The following TEF variants were observed in gnomAD, a reference collection of about 807,000 sequenced individuals.
The protein encoded by TEF is TEF transcription factor, PAR bZIP family member, also known as thyrotroph embryonic factor.
TEF carries 3 observed loss-of-function variants against 20.8 expected under a neutral mutation model. That is an observed-to-expected ratio of 0.14 (90% CI 0.07 to 0.37). The LOEUF is 0.37. TEF is among the 10% of genes least tolerant of loss of function. The pLI, the probability that TEF is intolerant of heterozygous loss-of-function variation, is 1.00. For synonymous variants in TEF, 180 were observed against 171.1 expected (o/e 1.05, Z -0.41); for missense variants, 296 against 397.9 (o/e 0.74, Z 2.18).
chr22:41,398,612 T>C lies in TEF; in HGVS notation c.*2652T>C, dbSNP rs2037258193. On this transcript the variant is annotated 3_prime_UTR_variant, in exon 4 of 4. Transcript: ENST00000266304. ...TTAGAGAGAGGGAGAGTTTTCAAGG[T>C]TTATGGCAACTTTGTGGAGGACCTG... 6.5e-6 allele frequency: 1 copy of C among 153,262 alleles called. No homozygotes were observed. The highest frequency in any genetic ancestry group is 2.1e-4 in the South Asian group (1 of 4,826). The allele number at this position is 153,262 out of a possible 1,614,324, so 9.5% of individuals were successfully genotyped here.
rs1294113603 is a variant in TEF, at chr22:41,397,156, G to C, written c.*1196G>C. On this transcript the variant is annotated 3_prime_UTR_variant, in exon 4 of 4. Coordinates refer to ENST00000266304, the MANE Select transcript of TEF (RefSeq NM_003216.4). ...CAAGGTCACAGTGCCACTTTCACGG[G>C]ATAGCAGGCTCTTGGGACTTTTACA... 7.5e-6 allele frequency: 3 copies of C among 398,570 alleles called. No individual in the cohort carries two copies. The highest frequency in any genetic ancestry group is 7.1e-5 in the East Asian group (2 of 28,086). The allele number at this position is 398,570 out of a possible 1,614,324, so 24.7% of individuals were successfully genotyped here.
At chr22:41,393,368 A>T (rs1293580478) in intron 2 of TEF, among the ~76,000 whole-genome samples, 9 of 150,456 alleles carry the variant, frequency 6.0e-5, no homozygotes, top group Non-Finnish European at 5.9e-5. Flanking sequence ...ATTGGAACCC[A>T]TTTCCATTCT....
intron 1 of TEF, among the ~76,000 whole-genome samples, chr22:41,383,200 C>G (rs1415009174): frequency 6.6e-6 from 1 of 152,112 alleles, no homozygotes; most frequent in Non-Finnish European, 1.5e-5. Context: ...TGCCATTTCT[C>G]TTCCTTTCCT....
Position 41,387,336 on chromosome 22 carries a change from A to T in TEF, c.158-15A>T, listed in dbSNP as rs1317759748. On this transcript the variant is annotated splice_polypyrimidine_tract_variant and intron_variant, in intron 1 of 3. Transcript: ENST00000266304. ...TCTCCTGTGTGGTATTTCATCGCAG[A>T]TTTTGTTTCTGCAGATAAGGAAAAG... 1 of 1,613,514 alleles carries T rather than the reference A, an allele frequency of 6.2e-7. No homozygotes were observed. Among genetic ancestry groups the T allele is most frequent in the African/African-American group, 1.3e-5 (1 of 74,914 alleles).
At chr22:41,394,608 A>G (rs752092098) in intron 3 of TEF, among the ~76,000 whole-genome samples, 1 of 152,214 alleles carries the variant, frequency 6.6e-6, no homozygotes, top group Non-Finnish European at 1.5e-5. Flanking sequence ...GCAAGAGCTC[A>G]CTAGGCCACA....
At chr22:41,388,117 C>T (rs1006896177) in intron 2 of TEF, among the ~76,000 whole-genome samples, 2 of 149,924 alleles carry the variant, frequency 1.3e-5, no homozygotes, top group Non-Finnish European at 3.0e-5. Flanking sequence ...CTGCCTCAGC[C>T]TCCTGAGTAG....
chr22:41,396,137 C>T lies in TEF; in HGVS notation c.*177C>T, dbSNP rs1164239313. ...ATACCATGGCCTGCGCACGTGGCGA[C>T]GTCCCTGAGGGGCCAGTCTCCTCAC... is the stretch of plus-strand genomic sequence containing the variant. On this transcript the variant is annotated 3_prime_UTR_variant, in exon 4 of 4. Transcript: ENST00000266304. The T allele has an allele frequency of 7.7e-6, 5 of 652,650 alleles. No individual in the cohort carries two copies. Among genetic ancestry groups the T allele is most frequent in the Admixed American group, 3.0e-5 (1 of 33,200 alleles). The allele number at this position is 652,650 out of a possible 1,614,324, so 40.4% of individuals were successfully genotyped here.
In TEF at chr22:41,371,211, C is replaced by T. The variant is rs188332773; in HGVS notation, c.67+3612C>T. On this transcript the variant is annotated intron_variant, in intron 1 of 3. Transcript: ENST00000406644. ...CATTTTATACCCTATACTTCCCTCTCCCATGGGGCCCTGGCCATGCTTAGA... is the reference window on the plus strand; with the variant it reads ...CATTTTATACCCTATACTTCCCTCTTCCATGGGGCCCTGGCCATGCTTAGA... 7.2e-5 allele frequency among the ~76,000 whole-genome samples: 11 copies of T among 152,408 alleles called. No homozygotes were observed. The East Asian group carries it at 2.1e-3, about 29-fold the overall frequency.
At position 41,371,550 on chromosome 22, in the gene TEF, G is replaced by A. The variant is rs533710320; in HGVS notation, c.67+3951G>A. 3.3e-5 allele frequency among the ~76,000 whole-genome samples: 5 copies of A among 152,334 alleles called. No homozygotes were observed. In the East Asian group the frequency reaches 9.6e-4, roughly 29 times the overall value. ...GCGGAAAAGAATATCTGTGCCATGAGCTTGTTGCCAAGATTAAGTGAGTTA... is the reference window on the plus strand; with the variant it reads ...GCGGAAAAGAATATCTGTGCCATGAACTTGTTGCCAAGATTAAGTGAGTTA... On this transcript the variant is annotated intron_variant, in intron 1 of 3. Coordinates refer to the TEF transcript ENST00000406644.
chr22:41,391,769 C>T (rs183402550), intron 2 of TEF, among the ~76,000 whole-genome samples: 39 of 152,058 alleles, frequency 2.6e-4, no homozygotes, highest in African/African-American at 9.2e-4. Flanking sequence ...ACTACAGGCG[C>T]ATGCCATCAC....
chr22:41,390,609 C>T (rs1005348069), intron 2 of TEF, among the ~76,000 whole-genome samples: 1 of 149,372 alleles, frequency 6.7e-6, no homozygotes, highest in Non-Finnish European at 1.5e-5. Flanking sequence ...TCAAGTTCTC[C>T]TGCCTCAGCC....
At chr22:41,382,973 C>T (rs2037054073) in intron 1 of TEF, 1 of 470,960 alleles carries the variant, frequency 2.1e-6, no homozygotes, top group Non-Finnish European at 4.4e-6. Flanking sequence ...GTCACTGGGG[C>T]GTATACGGAA....
intron 1 of TEF, among the ~76,000 whole-genome samples, chr22:41,371,368 T>C (rs1327196562): frequency 2.0e-5 from 3 of 152,098 alleles, no homozygotes; most frequent in African/African-American, 4.8e-5. Context: ...CATCCCCACG[T>C]AGGGGCACTC....
chr22:41,387,755 G>C, intron 2 of TEF, 87 bp downstream of exon 2: 1 of 1,366,378 alleles, frequency 7.3e-7, no homozygotes, highest in Non-Finnish European at 1.0e-6. Context: ...CATGTACCCA[G>C]TGAGTCCCTT....
At position 41,382,022 on chromosome 22, in the gene TEF, G is replaced by T. The variant is rs998689920; in HGVS notation, c.-23G>T. 8.9e-5 allele frequency: 110 copies of T among 1,230,176 alleles called. No individual in the cohort carries two copies. In the African/African-American group the frequency reaches 1.4e-3, roughly 15 times the overall value. The allele number at this position is 1,230,176 out of a possible 1,614,324, so 76.2% of individuals were successfully genotyped here. ...GGGGGGCGGGCGGGGGAGGCGAGGT[G>T]CGCGAGCCGAGTCCGGGGCACGATG... On this transcript the variant is annotated 5_prime_UTR_variant, in exon 1 of 4. Transcript: ENST00000266304.
At chr22:41,380,559 C>A (rs994485983), upstream of TEF, among the ~76,000 whole-genome samples, 4 of 152,192 alleles carry the variant, frequency 2.6e-5, no homozygotes, top group Admixed American at 6.5e-5. Flanking sequence ...TACCACCCCC[C>A]CAACCCCTCC....
intron 1 of TEF, among the ~76,000 whole-genome samples, chr22:41,372,102 T>C (rs980485921): frequency 6.6e-6 from 1 of 152,152 alleles, no homozygotes; most frequent in Non-Finnish European, 1.5e-5. Flanking sequence ...TTCTATGTGC[T>C]GGATATGCTA....
At chr22:41,371,944 C>T (rs1436770030) in intron 1 of TEF, among the ~76,000 whole-genome samples, 3 of 152,084 alleles carry the variant, frequency 2.0e-5, no homozygotes, top group Non-Finnish European at 4.4e-5. Flanking sequence ...GGAAATGAGC[C>T]GAGAGTGTGG....
upstream of TEF, among the ~76,000 whole-genome samples, chr22:41,378,598 C>A (rs1299067255): frequency 6.6e-6 from 1 of 152,120 alleles, no homozygotes. Context: ...CCCGGCTCGG[C>A]CTCCCAAAGT....
Sources: allele counts gnomAD v4.1 joint callset (sites outside exome capture counted in the v4.1 genomes callset), GRCh38; gene constraint gnomAD v4.1.1; transcripts MANE v1.5; gene names NCBI Gene and HGNC (gene_info 2026-07-23, HGNC 2026-07-21).